The following ECSCR variants were observed in gnomAD, a reference collection of about 807,000 sequenced individuals.
The protein encoded by ECSCR is endothelial cell-specific chemotaxis regulator.
A neutral mutation model predicts 16.7 loss-of-function variants in ECSCR; 12 were observed. That is an observed-to-expected ratio of 0.72 (90% CI 0.46 to 1.17). The LOEUF is 1.17. Ranked by LOEUF, ECSCR falls within the 50% of genes most tolerant of loss-of-function variation. The pLI, the probability that ECSCR is intolerant of heterozygous loss-of-function variation, is 0.00. For missense variants in ECSCR, 122 were observed against 116.1 expected (o/e 1.05, Z -0.23); for synonymous variants, 44 against 42.2 (o/e 1.04, Z -0.17).
chr5:139,454,303 G>T (rs1223907321), intron 8 of ECSCR, among the ~76,000 whole-genome samples: 1 of 148,080 alleles, frequency 6.8e-6, no homozygotes. Context: ...AGGTGTGTGG[G>T]AGGCGTGTAT....
At chr5:139,449,923 T>C (rs1452370082) in intron 8 of ECSCR, among the ~76,000 whole-genome samples, 1 of 150,916 alleles carries the variant, frequency 6.6e-6, no homozygotes, top group Non-Finnish European at 1.5e-5. Flanking sequence ...TGAAACGGAG[T>C]CTTGCTCTGT....
At chr5:139,458,003 G>C in intron 2 of ECSCR, 136 bp downstream of exon 2, 8 of 1,165,218 alleles carry the variant, frequency 6.9e-6, no homozygotes, top group Non-Finnish European at 9.9e-6. Flanking sequence ...GCTCAGCCTT[G>C]GTGAGTCCTG....
At chr5:139,454,675 G>A in intron 7 of ECSCR, 37 bp from the exon 8 acceptor site, 1 of 398,356 alleles carries the variant, frequency 2.5e-6, no homozygotes, top group East Asian at 3.6e-5. Context: ...GGGCTCACAT[G>A]CTGTAACTCA....
intron 1 of ECSCR, among the ~76,000 whole-genome samples, chr5:139,460,100 A>G (rs1751260681): frequency 6.6e-6 from 1 of 151,860 alleles, no homozygotes; most frequent in South Asian, 2.1e-4. Flanking sequence ...AACATGTATC[A>G]GTTACTAATC....
chr5:139,455,814 T>TA (rs1187505493), intron 5 of ECSCR, among the ~76,000 whole-genome samples: 26,821 of 48,938 alleles, frequency 0.55, 9,630 homozygotes, highest in Non-Finnish European at 0.73. Flanking sequence ...CCATCTCTCC[T>TA]AAAAAAAAAA....
At chr5:139,459,415 C>G (rs776922907) in intron 1 of ECSCR, among the ~76,000 whole-genome samples, 1 of 152,174 alleles carries the variant, frequency 6.6e-6, no homozygotes, top group Non-Finnish European at 1.5e-5. Context: ...TTGTTATTGA[C>G]CAAACCCAGA....
intron 5 of ECSCR, among the ~76,000 whole-genome samples, chr5:139,455,983 A>C (rs1751150483): frequency 3.3e-5 from 5 of 152,024 alleles, no homozygotes; most frequent in Admixed American, 3.3e-4. Context: ...TTAGCCGGGC[A>C]TGGTGACGCG....
At chr5:139,455,848 G>A (rs1477728482) in intron 5 of ECSCR, among the ~76,000 whole-genome samples, 1 of 148,662 alleles carries the variant, frequency 6.7e-6, no homozygotes, top group African/African-American at 2.5e-5. Context: ...AAAAGACCGG[G>A]CACGGTGGCT....
At chr5:139,459,861 T>TG (rs1416286011) in intron 1 of ECSCR, among the ~76,000 whole-genome samples, 1 of 152,216 alleles carries the variant, frequency 6.6e-6, no homozygotes, top group Non-Finnish European at 1.5e-5. Context: ...CCTTCCTCCA[T>TG]GGGGCTATCA....
chr5:139,456,515 G>A lies in ECSCR; in HGVS notation c.221C>T (p.Ala74Val). 3 of 398,674 alleles carry A rather than the reference G, an allele frequency of 7.5e-6. No homozygotes were observed. The highest frequency in any genetic ancestry group is 1.3e-4 in the South Asian group (1 of 7,862). The allele number at this position is 398,674 out of a possible 1,614,324, so 24.7% of individuals were successfully genotyped here. A position where few individuals can be genotyped will look rare whatever the true frequency, so the allele number is the denominator to read the frequency against. Residue 74 changes from alanine to valine, a missense_variant, in exon 5 of 10, where the codon GCA becomes GTA. Physicochemically the swap from Ala to Val is moderately conservative, Grantham distance 64. Coordinates refer to ENST00000618155, the MANE Select transcript of ECSCR (RefSeq NM_001077693.4). Reference protein sequence around the residue: ...SHLSSTGTPGAGVPSSGRDGG... With the variant: ...SHLSSTGTPGVGVPSSGRDGG... ...GTCTCTTCCACTGCTGGGGACACCT[G>A]CGCCTGCACCATGAAACAGCATGAC...
chr5:139,457,873 C>G, intron 2 of ECSCR, 66 bp from the exon 3 acceptor site: 1 of 1,511,906 alleles, frequency 6.6e-7, no homozygotes, highest in East Asian at 2.4e-5. Context: ...CTCTCTTGTT[C>G]CCTAGATCTG....
chr5:139,455,571 T>C (rs1330642976), intron 5 of ECSCR, 135 bp from the exon 6 acceptor site: 5 of 381,646 alleles, frequency 1.3e-5, no homozygotes, highest in African/African-American at 6.2e-5. Flanking sequence ...CTGGGCAAAA[T>C]AGAGCTGTCT....
intron 1 of ECSCR, among the ~76,000 whole-genome samples, chr5:139,459,501 C>T (rs1305768397): frequency 6.6e-6 from 1 of 152,186 alleles, no homozygotes; most frequent in Non-Finnish European, 1.5e-5. Flanking sequence ...GTCTGCGGGG[C>T]TCTATGCAAA....
At chr5:139,450,056 A>G (rs1751006154) in intron 8 of ECSCR, among the ~76,000 whole-genome samples, 2 of 152,100 alleles carry the variant, frequency 1.3e-5, no homozygotes, top group African/African-American at 4.8e-5. Context: ...CACCGTGCCC[A>G]GCTAATTTTT....
chr5:139,448,895 T>G lies in ECSCR; in HGVS notation c.*5A>C, dbSNP rs1750966966. The stretch of plus-strand genomic sequence containing the variant: ...CCTTGGACTCATGGGGACCCAAAGT[T>G]GCTTTTAAAGAACCTGCAAAATAAA... On this transcript the variant is annotated 3_prime_UTR_variant, in exon 10 of 10. Transcript: ENST00000618155. The G allele has an allele frequency of 1.1e-5, 17 of 1,537,136 alleles. No homozygotes were observed. The highest frequency in any genetic ancestry group is 1.4e-5 in the Non-Finnish European group (16 of 1,146,916).
intron 8 of ECSCR, among the ~76,000 whole-genome samples, chr5:139,452,519 T>C (rs1419588910): frequency 1.1e-3 from 2 of 1,746 alleles, no homozygotes; most frequent in Non-Finnish European, 2.8e-3. Context: ...TGGGGAGGTA[T>C]GTATAGTATG....
chr5:139,456,257 C>T (rs1751156779), intron 5 of ECSCR, among the ~76,000 whole-genome samples: 1 of 150,130 alleles, frequency 6.7e-6, no homozygotes, highest in Non-Finnish European at 1.5e-5. Flanking sequence ...AACAAGACTC[C>T]TTCTCAACAA....
chr5:139,449,842 G>A (rs1446215444), intron 8 of ECSCR, among the ~76,000 whole-genome samples: 4 of 150,426 alleles, frequency 2.7e-5, no homozygotes, highest in East Asian at 2.0e-4. Context: ...CTGCCTCAGC[G>A]TCCCAAAGTA....
At chr5:139,458,500 C>CAAAAAAAAAAAAAAA (rs397882364) in intron 1 of ECSCR, among the ~76,000 whole-genome samples, 36 of 85,354 alleles carry the variant, frequency 4.2e-4, no homozygotes, top group African/African-American at 1.1e-3. Flanking sequence ...CCTATCTCAA[C>CAAAAAAAAAAAAAAA]AAAAAAAAAA....
Sources: allele counts gnomAD v4.1 joint callset (sites outside exome capture counted in the v4.1 genomes callset), GRCh38; gene constraint gnomAD v4.1.1; transcripts MANE v1.5; gene names NCBI Gene and HGNC (gene_info 2026-07-23, HGNC 2026-07-21).